LRRC7: variants seen among roughly 807,000 people sequenced by gnomAD.
LRRC7 encodes leucine rich repeat containing 7.
LRRC7 carries 23 observed loss-of-function variants against 175.7 expected under a neutral mutation model. That is an observed-to-expected ratio of 0.13 (90% CI 0.09 to 0.19). The LOEUF (loss-of-function observed/expected upper bound fraction) is 0.19. Ranked by LOEUF, LRRC7 falls within the 10% of genes least tolerant of loss-of-function variation. The pLI is 1.00. For missense variants in LRRC7, 1,354 were observed against 1,904.7 expected (o/e 0.71, Z 5.38); for synonymous variants, 685 against 680.9 (o/e 1.01, Z -0.09).
At chr1:69,937,950 T>C (rs1648222903) in intron 8 of LRRC7, among the ~76,000 whole-genome samples, 2 of 151,950 alleles carry the variant, frequency 1.3e-5, no homozygotes, top group Non-Finnish European at 1.5e-5. Context: ...GAGAGTGTTT[T>C]CACCTTTTTT....
intron 7 of LRRC7, among the ~76,000 whole-genome samples, chr1:69,877,880 T>C (rs1276467408): frequency 6.6e-6 from 1 of 152,052 alleles, no homozygotes; most frequent in Admixed American, 6.6e-5. Context: ...ACAAACAGAA[T>C]AGACATATTT....
At chr1:69,774,130 A>C (rs1186316086) in intron 3 of LRRC7, among the ~76,000 whole-genome samples, 1 of 152,166 alleles carries the variant, frequency 6.6e-6, no homozygotes, top group Non-Finnish European at 1.5e-5. Flanking sequence ...GAATCCAGGG[A>C]CCAGGGCCCA....
intron 8 of LRRC7, among the ~76,000 whole-genome samples, chr1:69,939,514 T>C (rs892240137): frequency 6.6e-6 from 1 of 152,088 alleles, no homozygotes; most frequent in Admixed American, 6.6e-5. Context: ...GGACACTCAA[T>C]TGTTAGAGCC....
chr1:69,654,109 T>A (rs1656251256), intron 1 of LRRC7, among the ~76,000 whole-genome samples: 1 of 150,648 alleles, frequency 6.6e-6, no homozygotes, highest in African/African-American at 2.4e-5. Context: ...AGATCTCATG[T>A]TATTTATTTT....
intron 8 of LRRC7, among the ~76,000 whole-genome samples, chr1:69,941,812 C>T (rs1045773195): frequency 1.3e-5 from 2 of 152,030 alleles, no homozygotes; most frequent in African/African-American, 4.8e-5. Flanking sequence ...GTTTCATGCT[C>T]TTTGACAGCC....
In LRRC7 at chr1:69,928,721, T is replaced by C. The variant is rs1251376399; in HGVS notation, c.648-2786T>C. Among the ~76,000 whole-genome samples the C allele has an allele frequency of 2.0e-5, 3 of 152,304 alleles. No individual in the cohort carries two copies. The East Asian group carries it at 5.8e-4, about 29-fold the overall frequency. On this transcript the variant is annotated intron_variant, in intron 7 of 26. Transcript: ENST00000651989. ...CAGGTGCCGTCTGTCACCCCTTTCT[T>C]TGACTAGGAAAGGGAACTCCTTGAC...
chr1:70,086,265 A>T (rs1663601773), intron 24 of LRRC7, among the ~76,000 whole-genome samples: 4 of 152,150 alleles, frequency 2.6e-5, no homozygotes, highest in Admixed American at 2.0e-4. Context: ...CTAGGACTAC[A>T]GGTGTGCACT....
intron 7 of LRRC7, among the ~76,000 whole-genome samples, chr1:69,869,963 C>G (rs1685350593): frequency 6.6e-6 from 1 of 152,108 alleles, no homozygotes. Context: ...GTCCATTTTA[C>G]AGATTGCAAA....
intron 18 of LRRC7, among the ~76,000 whole-genome samples, chr1:70,031,994 T>A (rs1252951307): frequency 1.2e-4 from 18 of 152,130 alleles, no homozygotes; most frequent in Non-Finnish European, 1.5e-5. Flanking sequence ...AGACAGTGTT[T>A]CACCATGTTG....
At chr1:69,697,629 A>G (rs1309192208) in intron 2 of LRRC7, among the ~76,000 whole-genome samples, 1 of 152,234 alleles carries the variant, frequency 6.6e-6, no homozygotes, top group Admixed American at 6.5e-5. Flanking sequence ...ATCTGCCCCA[A>G]AACAACTATT....
At chr1:69,655,112 T>C (rs1457664889) in intron 1 of LRRC7, among the ~76,000 whole-genome samples, 5 of 152,102 alleles carry the variant, frequency 3.3e-5, no homozygotes, top group African/African-American at 9.7e-5. Context: ...ATGAACTTGC[T>C]CAGGTTCTGT....
chr1:69,979,706 C>T (rs762843367), intron 8 of LRRC7, among the ~76,000 whole-genome samples: 2 of 152,026 alleles, frequency 1.3e-5, no homozygotes, highest in Non-Finnish European at 2.9e-5. Context: ...AATAATTATT[C>T]ATTGACAAAA....
intron 22 of LRRC7, among the ~76,000 whole-genome samples, chr1:70,046,689 C>T (rs968395797): frequency 1.3e-5 from 2 of 152,130 alleles, no homozygotes; most frequent in South Asian, 2.1e-4. Flanking sequence ...GGAACCTTAT[C>T]AGGCACTGGA....
chr1:69,626,439 T>C (rs924365795), intron 1 of LRRC7, among the ~76,000 whole-genome samples: 23 of 151,748 alleles, frequency 1.5e-4, no homozygotes, highest in Non-Finnish European at 2.9e-5. Flanking sequence ...GTTAGAAGGG[T>C]TGGTCTGAAT....
At chr1:69,797,388 A>T (rs1675917301) in intron 4 of LRRC7, among the ~76,000 whole-genome samples, 2 of 152,168 alleles carry the variant, frequency 1.3e-5, no homozygotes, top group African/African-American at 4.8e-5. Flanking sequence ...CACTATATTT[A>T]TTCCACAAAC....
intron 8 of LRRC7, among the ~76,000 whole-genome samples, chr1:69,939,191 CAAAG>C (rs1648437434): frequency 6.6e-6 from 1 of 151,264 alleles, no homozygotes; most frequent in East Asian, 1.9e-4. Flanking sequence ...GATTATTTAA[CAAAG>C]AAAGTTTAAT....
At chr1:70,012,591 C>T (rs1306580320) in intron 12 of LRRC7, among the ~76,000 whole-genome samples, 1 of 151,404 alleles carries the variant, frequency 6.6e-6, no homozygotes, top group African/African-American at 2.4e-5. Context: ...CTAACTTTGC[C>T]TAGGAAATGT....
intron 2 of LRRC7, among the ~76,000 whole-genome samples, chr1:69,735,558 C>T (rs929971431): frequency 1.3e-5 from 2 of 152,070 alleles, no homozygotes; most frequent in Non-Finnish European, 2.9e-5. Context: ...GGAGGTGATG[C>T]TAAACTCTTG....
At chr1:69,839,934 A>G (rs1211676536) in intron 7 of LRRC7, among the ~76,000 whole-genome samples, 2 of 152,072 alleles carry the variant, frequency 1.3e-5, no homozygotes, top group Non-Finnish European at 2.9e-5. Context: ...GGTATTGTGC[A>G]GGCTTTGAGA....
Sources: gnomAD v4.1 joint callset for allele counts (sites outside exome capture counted in the v4.1 genomes callset) on GRCh38, gnomAD v4.1.1 for gene constraint, MANE v1.5 for transcripts, NCBI Gene and HGNC (gene_info 2026-07-23, HGNC 2026-07-21) for gene names.